Variants in RABGGTA observed in about 807,000 individuals in gnomAD.
RABGGTA encodes Rab geranylgeranyltransferase subunit alpha.
RABGGTA carries 69 observed loss-of-function variants against 83.3 expected under a neutral mutation model. That is an observed-to-expected ratio of 0.83 (90% confidence interval 0.68 to 1.01). The LOEUF is 1.01. Ranked by LOEUF, RABGGTA falls within the 50% of genes least tolerant of loss-of-function variation. The pLI is 0.00. For missense variants in RABGGTA, 681 were observed against 712.7 expected, an observed-to-expected ratio of 0.96 and a Z score of 0.51; for synonymous variants, 310 against 299.8, an observed-to-expected ratio of 1.03 and a Z score of -0.35.
chr14:24,267,884 A>C lies in RABGGTA; in HGVS notation c.1222T>G (p.Phe408Val). Residue 408 changes from phenylalanine (F) to valine (V), a missense_variant, in exon 13 of 17, where the codon TTC becomes GTC. By Grantham distance (50) the Phe-to-Val change is conservative (BLOSUM62 -1). This residue lies in a region of RABGGTA where 421 missense variants were observed against 418.5 expected (regional missense o/e 1.01). Transcript: ENST00000216840. ...ACAGAACTTGCCTTGAGGGTCTGGA[A>C]GTACTGCAGGGTCTCCTTCTCATAC... ...LLYEKETLQY[F>V]QTLKAVDPMR... is the part of the protein sequence containing the mutation. 1 of 1,613,674 alleles carries C rather than the reference A, an allele frequency of 6.2e-7. No individual in the cohort carries two copies. Among genetic ancestry groups the C allele is most frequent in the Non-Finnish European group, 8.5e-7 (1 of 1,179,810 alleles).
chr14:24,266,330 C>T (rs1481722341), intron 16 of RABGGTA, 100 bp downstream of exon 16: 2 of 1,109,134 alleles, frequency 1.8e-6, no homozygotes, highest in East Asian at 2.4e-5. Flanking sequence ...TCTCTCCTGC[C>T]CTGCAAGAGG....
chr14:24,270,558 TTA>T, intron 3 of RABGGTA, 100 bp from the exon 4 acceptor site: 1 of 1,448,484 alleles, frequency 6.9e-7, no homozygotes, highest in Non-Finnish European at 9.6e-7. Flanking sequence ...GAATCCCACA[TTA>T]TACAACAGGT....
rs758761401 is a variant in RABGGTA at position 24,268,589 on chromosome 14, C to T, written c.931G>A (p.Asp311Asn). The T allele has an allele frequency of 5.6e-6, 9 of 1,613,946 alleles. No individual in the cohort carries two copies. Among genetic ancestry groups the T allele is most frequent in the South Asian group, 3.3e-5 (3 of 91,056 alleles). The change falls in exon 10 of 17, where the codon GAC becomes AAC. Residue 311 changes from aspartate to asparagine, a missense_variant. Around this residue, in one of 5 missense-constraint regions of RABGGTA, gnomAD observed 421 missense variants for 418.5 expected, o/e 1.01. Transcript: ENST00000216840. The stretch of plus-strand genomic sequence containing the variant: ...CGAAATGTATGTTGGGGCAACTGGT[C>T]GTTGAGGGAGGCAGCAGGCAGGTCA... ...LCDLPAASLN[D>N]QLPQHTFRVI...
intron 16 of RABGGTA, 137 bp downstream of exon 16, chr14:24,266,293 C>T: frequency 2.6e-6 from 2 of 763,310 alleles, no homozygotes; most frequent in South Asian, 3.3e-5. Flanking sequence ...CAGGCTCTCC[C>T]CCTTCAACTC....
rs761644738 is a variant in RABGGTA at position 24,268,150 on chromosome 14, T to A, written c.1107A>T (p.Glu369Asp). ...CCAGCTCCTGCAGCTCCTTACAGGA[T>A]TCCAGCTCAGACTGCAGCACTGTGG... ...EKSTVLQSEL[E>D]SCKELQELEP... Residue 369 changes from glutamate to aspartate, a missense_variant, in exon 12 of 17, where the codon GAA becomes GAT. Glu to Asp is a conservative substitution (Grantham distance 45). This residue lies in a region of RABGGTA where 421 missense variants were observed against 418.5 expected (regional missense o/e 1.01). Coordinates refer to ENST00000216840, the MANE Select transcript of RABGGTA (RefSeq NM_182836.3). The A allele has an allele frequency of 1.5e-5, 25 of 1,613,754 alleles. No homozygotes were observed. The South Asian group carries it at 2.5e-4, about 16-fold the overall frequency.
intron 16 of RABGGTA, 101 bp from the exon 17 acceptor site, chr14:24,265,864 A>G: frequency 1.4e-6 from 2 of 1,454,872 alleles, no homozygotes; most frequent in South Asian, 2.8e-5. Context: ...AGTCTGTTTG[A>G]TGGGCATCTC....
chr14:24,265,605 G>T lies in RABGGTA; in HGVS notation c.*10C>A. 1 of 1,612,926 alleles carries T rather than the reference G, an allele frequency of 6.2e-7. No homozygotes were observed. Among genetic ancestry groups the T allele is most frequent in the Non-Finnish European group, 8.5e-7 (1 of 1,179,434 alleles). ...ATAAGTTAAAGGGCAAGGGTAGGGG[G>T]CAGGGCCTCTTAGGTGAGGACGCTG... is the stretch of plus-strand genomic sequence containing the variant. On this transcript the variant is annotated 3_prime_UTR_variant, in exon 17 of 17. Transcript: ENST00000216840.
chr14:24,271,192 C>T (rs2040945545), intron 1 of RABGGTA, 23 bp from the exon 2 acceptor site: 1 of 1,457,918 alleles, frequency 6.9e-7, no homozygotes, highest in Non-Finnish European at 9.1e-7. Context: ...GTGTCAATCA[C>T]GTAGCCCCGC....
At chr14:24,268,290 G>A in intron 11 of RABGGTA, 79 bp downstream of exon 11, 2 of 1,608,788 alleles carry the variant, frequency 1.2e-6, no homozygotes, top group Non-Finnish European at 1.7e-6. Flanking sequence ...AGCTCCTTGA[G>A]GCCCCAGCCT....
In RABGGTA at chr14:24,268,626, G is replaced by T; in HGVS notation, c.901-7C>A. ...CAGCAGGCAGGTCACAGAGCTGGGA[G>T]TACTGGGTCAAGGAAATGCCCCAGC... On this transcript the variant is annotated splice_region_variant and splice_polypyrimidine_tract_variant and intron_variant, in intron 9 of 16. Transcript: ENST00000216840. 1 of 1,613,436 alleles carries T rather than the reference G, an allele frequency of 6.2e-7. No homozygotes were observed. Among genetic ancestry groups the T allele is most frequent in the Middle Eastern group, 1.6e-4 (1 of 6,062 alleles).
chr14:24,265,727 G>A lies in RABGGTA; in HGVS notation c.1592C>T (p.Ser531Phe), dbSNP rs201173826. Reference sequence around the variant, plus strand: ...GTTGAGGAGGACCAGCCTGGGGCAGGAGGCAAGAGGCTGGAGCACTGCAGG... The same window carrying A: ...GTTGAGGAGGACCAGCCTGGGGCAGAAGGCAAGAGGCTGGAGCACTGCAGG... Reference protein sequence around the residue: ...QQPAVLQPLASCPRLVLLNLQ... With the variant: ...QQPAVLQPLAFCPRLVLLNLQ... The change falls in exon 17 of 17, where the codon TCC becomes TTC. Residue 531 changes from serine (S) to phenylalanine (F), a missense_variant. By Grantham distance (155) the Ser-to-Phe change is radical. Around this residue, in one of 5 missense-constraint regions of RABGGTA, gnomAD observed 421 missense variants for 418.5 expected, o/e 1.01. Coordinates refer to ENST00000216840, the MANE Select transcript of RABGGTA (RefSeq NM_182836.3). 9.3e-6 allele frequency: 15 copies of A among 1,612,018 alleles called. No individual in the cohort carries two copies. The highest frequency in any genetic ancestry group is 7.6e-6 in the Non-Finnish European group (9 of 1,179,192).
At position 24,270,159 on chromosome 14, in the gene RABGGTA, G is replaced by GT. The variant is rs199865877; in HGVS notation, c.240-20_240-19insA. 14 of 1,593,008 alleles carry GT rather than the reference G, an allele frequency of 8.8e-6. No individual in the cohort carries two copies. Among genetic ancestry groups the GT allele is most frequent in the South Asian group, 1.1e-5 (1 of 88,428 alleles). On this transcript the variant is annotated intron_variant, in intron 4 of 16. Transcript: ENST00000216840. ...AGGAGACCTGTACCCAGAAGGGAAGGGGGGGGTCAGGGCTCTCCTACAGTC... is the reference window on the plus strand; with the variant it reads ...AGGAGACCTGTACCCAGAAGGGAAGGTGGGGGGTCAGGGCTCTCCTACAGTC...
intron 6 of RABGGTA, 163 bp downstream of exon 6, chr14:24,269,328 C>T (rs1028804426): frequency 2.5e-5 from 27 of 1,069,632 alleles, no homozygotes; most frequent in East Asian, 2.6e-5. Flanking sequence ...CCATCAGACA[C>T]TTAAGCTTCC....
rs1422029471 is a variant in RABGGTA, at chr14:24,267,905, C to G, written c.1201G>C (p.Glu401Gln). 1 of 1,613,794 alleles carries G rather than the reference C, an allele frequency of 6.2e-7. No homozygotes were observed. The highest frequency in any genetic ancestry group is 1.7e-5 in the Admixed American group (1 of 60,022). ...LMRALDPLLYEKETLQYFQTL... is the reference protein window; with the variant it reads ...LMRALDPLLYQKETLQYFQTL... ...TGGAAGTACTGCAGGGTCTCCTTCT[C>G]ATACAGCAGGGGGTCCAGTGCCCGC... Residue 401 changes from glutamate to glutamine, a missense_variant, in exon 13 of 17, where the codon GAG becomes CAG. Glu to Gln is a conservative substitution (Grantham distance 29). Transcript: ENST00000216840.
chr14:24,268,050 A>G, intron 12 of RABGGTA, 60 bp downstream of exon 12: 22 of 1,605,510 alleles, frequency 1.4e-5, no homozygotes, highest in Non-Finnish European at 1.7e-5. Context: ...TCAGGGCCAC[A>G]CTGGAAAGGG....
Position 24,270,901 on chromosome 14 carries a change from T to C in RABGGTA, c.50A>G (p.Lys17Arg), listed in dbSNP as rs1329533430. 2 of 1,614,070 alleles carry C rather than the reference T, an allele frequency of 1.2e-6. No homozygotes were observed. The highest frequency in any genetic ancestry group is 2.2e-5 in the East Asian group (1 of 44,892). ...CAGCTTCTGCTCTCGCTCTAGCCTT[T>C]TGGCCTCCGCCTGCTCTTCTGACGT... ...VKTSEEQAEAKRLEREQKLKL... is the reference protein window; with the variant it reads ...VKTSEEQAEARRLEREQKLKL... The change falls in exon 3 of 17, where the codon AAA becomes AGA. Residue 17 changes from lysine (K) to arginine (R), a missense_variant. Lys to Arg is a conservative substitution (Grantham distance 26, BLOSUM62 2). Around this residue, in one of 5 missense-constraint regions of RABGGTA, gnomAD observed 115 missense variants for 111.5 expected, o/e 1.03. Transcript: ENST00000216840.
chr14:24,269,851 G>A, intron 5 of RABGGTA, 102 bp downstream of exon 5: 1 of 1,470,362 alleles, frequency 6.8e-7, no homozygotes, highest in Non-Finnish European at 9.2e-7. Flanking sequence ...CAGCTCAGTG[G>A]ACCCATCCTG....
Position 24,268,630 on chromosome 14 carries a change from T to C in RABGGTA, c.901-11A>G. 6.2e-7 allele frequency: 1 copy of C among 1,613,324 alleles called. No homozygotes were observed. Among genetic ancestry groups the C allele is most frequent in the Non-Finnish European group, 8.5e-7 (1 of 1,179,372 alleles). On this transcript the variant is annotated splice_polypyrimidine_tract_variant and intron_variant, in intron 9 of 16. Transcript: ENST00000216840. The stretch of plus-strand genomic sequence containing the variant: ...AGGCAGGTCACAGAGCTGGGAGTAC[T>C]GGGTCAAGGAAATGCCCCAGCCTAA...
Position 24,268,153 on chromosome 14 carries a change from C to T in RABGGTA, c.1104G>A (p.Leu368=). 1 of 1,610,696 alleles carries T rather than the reference C, an allele frequency of 6.2e-7. No homozygotes were observed. The highest frequency in any genetic ancestry group is 8.5e-7 in the Non-Finnish European group (1 of 1,178,024). ...VEKSTVLQSE[L]ESCKELQELE... ...GCTCCTGCAGCTCCTTACAGGATTC[C>T]AGCTCAGACTGCAGCACTGTGGACT... Residue 368 remains leucine (L), a synonymous_variant, in exon 12 of 17, where the codon CTG becomes CTA. Coordinates refer to ENST00000216840, the MANE Select transcript of RABGGTA (RefSeq NM_182836.3).
Sources: gnomAD v4.1 joint callset for allele counts on GRCh38, gnomAD v4.1.1 for gene constraint, gnomAD v4.1.1 regional missense constraint, MANE v1.5 for transcripts, NCBI Gene and HGNC (gene_info 2026-07-23, HGNC 2026-07-21) for gene names.